The following LTBP1 variants were observed in gnomAD, a reference collection of about 807,000 sequenced individuals.
LTBP1 encodes the protein latent transforming growth factor beta binding protein 1, also known as latent-transforming growth factor beta-binding protein 1.
A neutral mutation model predicts 207.6 loss-of-function variants in LTBP1; 129 were observed. The observed-to-expected ratio is 0.62, with a 90% CI of 0.54 to 0.72. The LOEUF (loss-of-function observed/expected upper bound fraction) is 0.72, where lower values mean the gene tolerates loss of function less well. Ranked by LOEUF, LTBP1 falls within the 30% of genes least tolerant of loss-of-function variation. The pLI, the probability that LTBP1 is intolerant of heterozygous loss-of-function variation, is 0.00. For missense variants in LTBP1, 2,281 were observed against 2,217.2 expected (o/e 1.03, Z -0.58); for synonymous variants, 963 against 833.7 (o/e 1.16, Z -2.67).
At chr2:33,300,305 T>G in intron 20 of LTBP1, 146 bp from the exon 21 acceptor site, 1 of 622,546 alleles carries the variant, frequency 1.6e-6, no homozygotes, top group Non-Finnish European at 2.8e-6. Context: ...ACAGCATGGG[T>G]GGAGTGATAA....
At chr2:33,363,541 A>G (rs984174607) in intron 29 of LTBP1, 23 bp downstream of exon 29, 4 of 1,603,938 alleles carry the variant, frequency 2.5e-6, no homozygotes, top group Non-Finnish European at 3.4e-6. Flanking sequence ...GGGATATAGT[A>G]TGGTGTACTG....
At chr2:33,221,847 G>A (rs2149427096) in intron 8 of LTBP1, among the ~76,000 whole-genome samples, 1 of 152,218 alleles carries the variant, frequency 6.6e-6, no homozygotes, top group East Asian at 1.9e-4. Context: ...GATTGTTTCA[G>A]TTAACGTAAT....
intron 3 of LTBP1, among the ~76,000 whole-genome samples, chr2:33,099,644 C>T (rs552766509): frequency 1.5e-4 from 23 of 152,240 alleles, no homozygotes; most frequent in African/African-American, 3.6e-4. Context: ...TTCAGCGGCA[C>T]GGGCAGATGG....
At chr2:33,081,804 C>T (rs900262908) in intron 3 of LTBP1, among the ~76,000 whole-genome samples, 4 of 152,046 alleles carry the variant, frequency 2.6e-5, no homozygotes, top group African/African-American at 9.7e-5. Flanking sequence ...TCATGCTTTT[C>T]TTATGATACT....
chr2:33,222,101 T>G lies in LTBP1; in HGVS notation c.1826T>G (p.Met609Arg), dbSNP rs1210350970. 6.2e-7 allele frequency: 1 copy of G among 1,612,788 alleles called. No homozygotes were observed. The highest frequency in any genetic ancestry group is 8.5e-7 in the Non-Finnish European group (1 of 1,178,878). ...ACAGCTTATCATGGATACAACCAAA[T>G]GATGGAATGCCTACCGGGTTATAAG... Reference protein sequence around the residue: ...KKPSYHGYNQMMECLPGYKRV... With the variant: ...KKPSYHGYNQRMECLPGYKRV... The change falls in exon 9 of 34, where the codon ATG (methionine) becomes AGG (arginine). Residue 609 changes from methionine (M) to arginine (R), a missense_variant. Transcript: ENST00000404816.
At chr2:33,256,592 A>G (rs1440138427) in intron 11 of LTBP1, among the ~76,000 whole-genome samples, 1 of 151,502 alleles carries the variant, frequency 6.6e-6, no homozygotes, top group African/African-American at 2.4e-5. Context: ...TGCTGATAAG[A>G]CATATACATG....
At chr2:33,193,129 A>AT (rs1156618063) in intron 7 of LTBP1, among the ~76,000 whole-genome samples, 4 of 152,022 alleles carry the variant, frequency 2.6e-5, no homozygotes, top group African/African-American at 4.8e-5. Flanking sequence ...ATGTAGGAAA[A>AT]TATCCTTATT....
chr2:33,336,535 T>C (rs547689864), intron 24 of LTBP1, among the ~76,000 whole-genome samples: 1 of 152,322 alleles, frequency 6.6e-6, no homozygotes, highest in South Asian at 2.1e-4. Flanking sequence ...ACCATATGAT[T>C]CATCTAAAAA....
At chr2:33,092,174 C>T (rs988040730) in intron 3 of LTBP1, among the ~76,000 whole-genome samples, 18 of 150,910 alleles carry the variant, frequency 1.2e-4, no homozygotes, top group South Asian at 8.5e-4. Context: ...CGTGCACGTG[C>T]GCATGCACAC....
Position 33,243,747 on chromosome 2 carries a change from A to G in LTBP1, c.1962A>G (p.Ile654Met). 1 of 1,614,140 alleles carries G rather than the reference A, an allele frequency of 6.2e-7. No individual in the cohort carries two copies. The highest frequency in any genetic ancestry group is 8.5e-7 in the Non-Finnish European group (1 of 1,179,986). Residue 654 changes from isoleucine (I) to methionine (M), a missense_variant, in exon 10 of 34, where the codon ATA becomes ATG. This residue lies in a region of LTBP1 where 1,671 missense variants were observed against 1,634.8 expected (regional missense o/e 1.02). Coordinates refer to ENST00000404816, the MANE Select transcript of LTBP1 (RefSeq NM_206943.4). ...GCAGCTATCGATGTACCTGCAAAATAGGATTTGGGCCGGATCCTACCTTTT... is the reference window on the plus strand; with the variant it reads ...GCAGCTATCGATGTACCTGCAAAATGGGATTTGGGCCGGATCCTACCTTTT... ...TMGSYRCTCK[I>M]GFGPDPTFSS...
At position 33,364,266 on chromosome 2, in the gene LTBP1, A is replaced by G; in HGVS notation, c.4450A>G (p.Asn1484Asp). ...TAGTTGTATTGATGGCCAGTGTGTT[A>G]ATACAGAGGGCTCTTACAACTGCTT... ...PSSCIDGQCV[N>D]TEGSYNCFCT... Residue 1484 changes from asparagine to aspartate, a missense_variant, in exon 30 of 34, where the codon AAT becomes GAT. This residue lies in a region of LTBP1 where 1,671 missense variants were observed against 1,634.8 expected (regional missense o/e 1.02). Coordinates refer to ENST00000404816, the MANE Select transcript of LTBP1 (RefSeq NM_206943.4). 2 of 1,614,084 alleles carry G rather than the reference A, an allele frequency of 1.2e-6. No homozygotes were observed. The highest frequency in any genetic ancestry group is 1.7e-6 in the Non-Finnish European group (2 of 1,179,944).
At chr2:32,966,720 A>G (rs1680063273) in intron 2 of LTBP1, among the ~76,000 whole-genome samples, 1 of 152,168 alleles carries the variant, frequency 6.6e-6, no homozygotes, top group Non-Finnish European at 1.5e-5. Context: ...CATACCTGGG[A>G]TAAATCCCAT....
intron 22 of LTBP1, among the ~76,000 whole-genome samples, chr2:33,302,132 G>T (rs192863744): frequency 6.6e-6 from 1 of 152,166 alleles, no homozygotes; most frequent in Non-Finnish European, 1.5e-5. Context: ...CTACTTGTTT[G>T]GCTAAGAAGC....
At chr2:33,159,548 T>C (rs1006003841) in intron 5 of LTBP1, among the ~76,000 whole-genome samples, 9 of 152,262 alleles carry the variant, frequency 5.9e-5, no homozygotes, top group African/African-American at 2.2e-4. Flanking sequence ...CCAGAAAGTC[T>C]GGTGATTGTG....
At chr2:33,356,408 G>C (rs2094860732) in intron 26 of LTBP1, among the ~76,000 whole-genome samples, 1 of 152,170 alleles carries the variant, frequency 6.6e-6, no homozygotes, top group Non-Finnish European at 1.5e-5. Flanking sequence ...TGCCGGGCGA[G>C]GTGACTCACG....
At chr2:33,368,278 C>G (rs1260618701) in intron 31 of LTBP1, among the ~76,000 whole-genome samples, 1 of 152,122 alleles carries the variant, frequency 6.6e-6, no homozygotes, top group Admixed American at 6.5e-5. Context: ...ATGGAGATTT[C>G]TCAAAGAACT....
At chr2:33,197,754 A>C (rs2088732278) in intron 7 of LTBP1, among the ~76,000 whole-genome samples, 1 of 152,182 alleles carries the variant, frequency 6.6e-6, no homozygotes, top group East Asian at 1.9e-4. Flanking sequence ...AAGCATTTAG[A>C]ATCACAGTAT....
chr2:33,068,520 A>G (rs755115089), intron 3 of LTBP1, among the ~76,000 whole-genome samples: 3 of 152,164 alleles, frequency 2.0e-5, no homozygotes, highest in Non-Finnish European at 4.4e-5. Context: ...AAAAATGAAT[A>G]ATGGCATGTA....
At chr2:32,982,270 A>G (rs1682878535) in intron 2 of LTBP1, among the ~76,000 whole-genome samples, 2 of 152,164 alleles carry the variant, frequency 1.3e-5, no homozygotes. Context: ...TGCCCTAGAG[A>G]TCTGTGGAAC....
Sources: allele counts gnomAD v4.1 joint callset (sites outside exome capture counted in the v4.1 genomes callset), GRCh38; gene constraint gnomAD v4.1.1; regional missense constraint gnomAD v4.1.1; transcripts MANE v1.5; gene names NCBI Gene and HGNC (gene_info 2026-07-23, HGNC 2026-07-21).